The following BMPR2 variants were observed in gnomAD, a reference collection of about 807,000 sequenced individuals.
The protein encoded by BMPR2 is bone morphogenetic protein receptor type-2.
In BMPR2, 29 loss-of-function variants were observed where a neutral mutation model predicts 100.8. The ratio of observed to expected loss-of-function variants is 0.29; its 90% CI spans 0.21 to 0.39. The LOEUF is 0.39. Among genes scored for constraint, BMPR2 ranks in the 10% least tolerant of loss-of-function variants. The pLI, the probability that BMPR2 is intolerant of heterozygous loss-of-function variation, is 1.00. For missense variants in BMPR2, 1,011 were observed against 1,274.5 expected (o/e 0.79, Z 3.15); for synonymous variants, 382 against 442.3 (o/e 0.86, Z 1.71).
At chr2:202,407,562 G>A (rs2105914666) in intron 1 of BMPR2, among the ~76,000 whole-genome samples, 1 of 151,976 alleles carries the variant, frequency 6.6e-6, no homozygotes, top group South Asian at 2.1e-4. Context: ...CACGAGATCA[G>A]GAGATCGAGA....
chr2:202,530,625 A>T (rs1043594734), intron 7 of BMPR2, among the ~76,000 whole-genome samples, 169 bp from the exon 8 acceptor site: 2 of 152,212 alleles, frequency 1.3e-5, no homozygotes, highest in Admixed American at 1.3e-4. Context: ...ATATTATAAA[A>T]TATATTAGAA....
chr2:202,493,082 A>G (rs1281217601), intron 3 of BMPR2, among the ~76,000 whole-genome samples: 1 of 152,192 alleles, frequency 6.6e-6, no homozygotes, highest in Non-Finnish European at 1.5e-5. Context: ...CAGTTAGGAA[A>G]ATTGACGAGG....
rs1423951489 is a variant in BMPR2, at chr2:202,559,807, C to G, written c.2978C>G (p.Thr993Ser). The stretch of plus-strand genomic sequence containing the variant: ...CGCCCCTCCACCTGGGTCATCTCCA[C>G]TGAATCGCTGGACTGTGAAGTCAAC... ...RWRPSTWVIS[T>S]ESLDCEVNNN... The change falls in exon 13 of 13, where the codon ACT (threonine) becomes AGT (serine). Residue 993 changes from threonine (T) to serine (S), a missense_variant. By Grantham distance (58) the Thr-to-Ser change is moderately conservative (BLOSUM62 1). Coordinates refer to ENST00000374580, the MANE Select transcript of BMPR2 (RefSeq NM_001204.7). 4 of 1,614,174 alleles carry G rather than the reference C, an allele frequency of 2.5e-6. No homozygotes were observed. The highest frequency in any genetic ancestry group is 2.5e-6 in the Non-Finnish European group (3 of 1,180,038).
intron 7 of BMPR2, among the ~76,000 whole-genome samples, chr2:202,524,763 T>C (rs954949646): frequency 7.2e-5 from 11 of 152,070 alleles, no homozygotes; most frequent in African/African-American, 2.4e-4. Context: ...CTAGGTGCGG[T>C]GGCTCACGCC....
chr2:202,503,474 G>A lies in BMPR2; in HGVS notation c.419-10245G>A, dbSNP rs968100087. Among the ~76,000 whole-genome samples, 4 of 152,214 alleles carry A rather than the reference G, an allele frequency of 2.6e-5. No individual in the cohort carries two copies. The highest frequency in any genetic ancestry group is 5.9e-5 in the Non-Finnish European group (4 of 68,024). ...CATGGGCTTGGCGGGCCCCGCACTCGGAGCAGCCAGCCCCGGGCAATGAGG... is the reference window on the plus strand; with the variant it reads ...CATGGGCTTGGCGGGCCCCGCACTCAGAGCAGCCAGCCCCGGGCAATGAGG... On this transcript the variant is annotated intron_variant, in intron 3 of 12. Transcript: ENST00000374580. The surrounding 1 kb of genome is among the most constrained non-coding windows in gnomAD (Gnocchi z 4.0).
intron 3 of BMPR2, among the ~76,000 whole-genome samples, chr2:202,489,557 A>G (rs1436856245): frequency 6.6e-6 from 1 of 152,242 alleles, no homozygotes; most frequent in Non-Finnish European, 1.5e-5. Context: ...TTTAAGGTTT[A>G]TACATCTCAC....
Position 202,377,331 on chromosome 2 carries a change from A to C in BMPR2, c.-144A>C. 1.2e-6 allele frequency: 1 copy of C among 805,208 alleles called. No individual in the cohort carries two copies. Among genetic ancestry groups the C allele is most frequent in the East Asian group, 2.5e-5 (1 of 39,638 alleles). The allele number at this position is 805,208 out of a possible 1,614,324, so 49.9% of individuals were successfully genotyped here. ...GAAAGCTCTGCAGCTAGGTCCTCTC[A>C]TCAGCCATTTGTCCTTTCAAACTGT... On this transcript the variant is annotated 5_prime_UTR_variant, in exon 1 of 13. Transcript: ENST00000374580.
intron 1 of BMPR2, among the ~76,000 whole-genome samples, chr2:202,386,805 C>T (rs899074615): frequency 6.6e-6 from 1 of 151,978 alleles, no homozygotes; most frequent in Non-Finnish European, 1.5e-5. Context: ...CTCAGCCTCC[C>T]GAGTAGATGG....
intron 5 of BMPR2, among the ~76,000 whole-genome samples, chr2:202,517,563 G>T (rs1015383285): frequency 3.9e-5 from 6 of 151,936 alleles, no homozygotes; most frequent in African/African-American, 1.4e-4. Context: ...TGTTGGCCAG[G>T]CTGGTCTCAA....
intron 3 of BMPR2, 30 bp from the exon 4 acceptor site, chr2:202,513,689 A>T (rs749940993): frequency 6.4e-7 from 1 of 1,553,216 alleles, no homozygotes; most frequent in Non-Finnish European, 8.9e-7. Context: ...TTTAAAAAAA[A>T]ATGACATTTC....
chr2:202,445,125 T>A (rs1401815974), intron 1 of BMPR2, among the ~76,000 whole-genome samples: 1 of 150,608 alleles, frequency 6.6e-6, no homozygotes, highest in Non-Finnish European at 1.5e-5. Flanking sequence ...TGTGACATAC[T>A]GGCAATGTTG....
At chr2:202,517,335 CTTT>C (rs527237940) in intron 5 of BMPR2, among the ~76,000 whole-genome samples, 1 of 135,360 alleles carries the variant, frequency 7.4e-6, no homozygotes, top group African/African-American at 2.7e-5. Context: ...GTTATTTTAT[CTTT>C]TTTTTTTTTT....
chr2:202,460,654 AAG>A (rs769252772), intron 1 of BMPR2, among the ~76,000 whole-genome samples: 1 of 152,088 alleles, frequency 6.6e-6, no homozygotes, highest in Non-Finnish European at 1.5e-5. Flanking sequence ...AGAACGATAA[AAG>A]AGAATGTGCT....
intron 1 of BMPR2, among the ~76,000 whole-genome samples, chr2:202,384,352 C>T (rs939715825): frequency 2.6e-5 from 4 of 152,048 alleles, no homozygotes; most frequent in African/African-American, 7.2e-5. Context: ...AATGTGTCGA[C>T]GGTGGACTTG....
chr2:202,386,203 G>A lies in BMPR2; in HGVS notation c.76+8653G>A, dbSNP rs144884824. On this transcript the variant is annotated intron_variant, in intron 1 of 12. Transcript: ENST00000374580. ...ATGGCTTTAAATAGCATCTAAAGGC[G>A]TACAAGTTTCAAATTTATTTCTATC... is the stretch of plus-strand genomic sequence containing the variant. Among the ~76,000 whole-genome samples the A allele has an allele frequency of 3.0e-3, 457 of 152,222 alleles. 2 individuals are homozygous for A. The highest frequency in any genetic ancestry group is 0.01 in the African/African-American group (431 of 41,544).
intron 7 of BMPR2, among the ~76,000 whole-genome samples, chr2:202,527,935 G>A (rs1687948673): frequency 6.6e-6 from 1 of 152,150 alleles, no homozygotes; most frequent in Non-Finnish European, 1.5e-5. Flanking sequence ...TGTAATCCCA[G>A]CACTTTAGGA....
At chr2:202,380,346 A>G in intron 1 of BMPR2, among the ~76,000 whole-genome samples, 1 of 152,228 alleles carries the variant, frequency 6.6e-6, no homozygotes. Flanking sequence ...AATTTTACAT[A>G]CATCTCTTGA....
intron 3 of BMPR2, among the ~76,000 whole-genome samples, chr2:202,472,777 A>G (rs1692461631): frequency 6.6e-6 from 1 of 152,248 alleles, no homozygotes; most frequent in South Asian, 2.1e-4. Flanking sequence ...CTTTTGACCC[A>G]AAAGTAGGAA....
intron 1 of BMPR2, among the ~76,000 whole-genome samples, chr2:202,386,051 C>A (rs1320676648): frequency 6.6e-6 from 1 of 152,084 alleles, no homozygotes; most frequent in Non-Finnish European, 1.5e-5. Flanking sequence ...TGATTTTTCT[C>A]CTACCTCACC....
Sources: gnomAD v4.1 joint callset for allele counts (sites outside exome capture counted in the v4.1 genomes callset) on GRCh38, gnomAD v4.1.1 for gene constraint, Gnocchi (gnomAD v3.1) non-coding constraint, MANE v1.5 for transcripts, NCBI Gene and HGNC (gene_info 2026-07-23, HGNC 2026-07-21) for gene names.